Variants in GRTP1 observed in about 807,000 individuals in gnomAD.
GRTP1 encodes the protein growth hormone-regulated TBC protein 1.
Under a neutral mutation model 38.1 loss-of-function variants are expected in GRTP1, and 56 were observed. The observed-to-expected ratio is 1.47, with a 90% confidence interval of 1.19 to 1.84. The LOEUF is 1.84. Ranked by LOEUF, GRTP1 falls within the 40% of genes most tolerant of loss-of-function variation. GRTP1 has a pLI of 0.00. For synonymous variants in GRTP1, 217 were observed against 189.5 expected (o/e 1.14, Z -1.19); for missense variants, 506 against 453.9 (o/e 1.11, Z -1.04).
At chr13:113,329,307 G>A (rs533369959) in intron 5 of GRTP1, among the ~76,000 whole-genome samples, 1 of 152,216 alleles carries the variant, frequency 6.6e-6, no homozygotes, top group African/African-American at 2.4e-5. Context: ...GCCGGGTGCA[G>A]TGGCTCACAC....
At chr13:113,325,235 C>T (rs1595468364) in intron 7 of GRTP1, 1 of 1,181,528 alleles carries the variant, frequency 8.5e-7, no homozygotes, top group Non-Finnish European at 1.0e-6. Context: ...TAGGAAACTA[C>T]TGACTCCCAG....
At chr13:113,345,708 G>A (rs931670024) in intron 4 of GRTP1, among the ~76,000 whole-genome samples, 1 of 152,264 alleles carries the variant, frequency 6.6e-6, no homozygotes. Context: ...GCTGGCAGCA[G>A]CGCGGCGGCT....
Position 113,352,304 on chromosome 13 carries a change from TA to T in GRTP1, c.341-1332del, listed in dbSNP as rs1369635071. ...TATTTATATATATTTATATATATTT[TA>T]TATATATTTTATATATATTTTTATA... On this transcript the variant is annotated intron_variant, in intron 3 of 7. Coordinates refer to ENST00000375431, the MANE Select transcript of GRTP1 (RefSeq NM_024719.4). Among the ~76,000 whole-genome samples, 54 of 69,290 alleles carry T rather than the reference TA, an allele frequency of 7.8e-4. No individual in the cohort carries two copies. The East Asian group carries it at 9.6e-3, about 12-fold the overall frequency. 45.5% of individuals were successfully genotyped at this position (69,290 alleles called of 152,430 possible). A position where few individuals can be genotyped will look rare whatever the true frequency, so the allele number is the denominator to read the frequency against.
intron 5 of GRTP1, among the ~76,000 whole-genome samples, chr13:113,331,356 T>C (rs1259239993): frequency 6.6e-6 from 1 of 152,176 alleles, no homozygotes; most frequent in Non-Finnish European, 1.5e-5. Context: ...AGGATGGCCT[T>C]GCCTCTGTGA....
chr13:113,349,663 C>T lies in GRTP1; in HGVS notation c.465+1186G>A, dbSNP rs1411775986. Among the ~76,000 whole-genome samples the T allele has an allele frequency of 2.0e-5, 3 of 152,212 alleles. No homozygotes were observed. The highest frequency in any genetic ancestry group is 4.4e-5 in the Non-Finnish European group (3 of 68,034). On this transcript the variant is annotated intron_variant, in intron 4 of 7. Transcript: ENST00000375431. The surrounding 1 kb of genome is among the most constrained non-coding windows in gnomAD (Gnocchi z 5.0). Reference sequence around the variant, plus strand: ...ACAGCTGGTGAGGACAGCGTGGTCCCGTGGCTCTGCTGCTGGCCTTTCACA... The same window carrying T: ...ACAGCTGGTGAGGACAGCGTGGTCCTGTGGCTCTGCTGCTGGCCTTTCACA...
chr13:113,351,498 A>C (rs755993), intron 3 of GRTP1, among the ~76,000 whole-genome samples: 50,533 of 152,098 alleles, frequency 0.33, 8,911 homozygotes, highest in East Asian at 0.62. Flanking sequence ...ATAAACCTCG[A>C]GTTGTCAGCT....
rs1177997110 is a variant in GRTP1, at chr13:113,330,410, ACCCGGGTGTGTGCATGGGAG to A, written c.563-4339_563-4320del. Among the ~76,000 whole-genome samples the A allele has an allele frequency of 3.2e-3, 303 of 93,550 alleles. 5 individuals carry two copies. Among genetic ancestry groups the A allele is most frequent in the African/African-American group, 0.012 (264 of 22,086 alleles). 61.4% of individuals were successfully genotyped at this position (93,550 alleles called of 152,430 possible). ...TGGAAGCCCAGGTGTGTGCATGGAAACCCGGGTGTGTGCATGGGAGCCCGGGTGTGTGCATGGGAGCCCGG... is the reference window on the plus strand; with the variant it reads ...TGGAAGCCCAGGTGTGTGCATGGAAACCCGGGTGTGTGCATGGGAGCCCGG... On this transcript the variant is annotated intron_variant, in intron 5 of 7. Coordinates refer to ENST00000375431, the MANE Select transcript of GRTP1 (RefSeq NM_024719.4).
chr13:113,357,903 G>C (rs1433882572), intron 2 of GRTP1, among the ~76,000 whole-genome samples: 1 of 152,150 alleles, frequency 6.6e-6, no homozygotes, highest in Non-Finnish European at 1.5e-5. Flanking sequence ...CTGCGGCCTG[G>C]CGTGGTGGTT....
At chr13:113,359,084 C>A (rs1022116478) in intron 2 of GRTP1, among the ~76,000 whole-genome samples, 1 of 152,208 alleles carries the variant, frequency 6.6e-6, no homozygotes, top group African/African-American at 2.4e-5. Flanking sequence ...ACTATTGACA[C>A]ATACAAGGTC....
At chr13:113,363,728 G>A (rs1310555522) in intron 2 of GRTP1, 34 bp downstream of exon 2, 1 of 1,585,844 alleles carries the variant, frequency 6.3e-7, no homozygotes, top group Admixed American at 1.7e-5. Context: ...ACCCACCTGC[G>A]CCCTCGGGAC....
chr13:113,346,043 G>C (rs1214129847), intron 4 of GRTP1, among the ~76,000 whole-genome samples: 2 of 83,108 alleles, frequency 2.4e-5, no homozygotes, highest in East Asian at 3.7e-4. Context: ...GACATCTGTG[G>C]CCGAGAGCAG....
chr13:113,349,692 C>T lies in GRTP1; in HGVS notation c.465+1157G>A, dbSNP rs141985099. 1.8e-4 allele frequency among the ~76,000 whole-genome samples: 28 copies of T among 152,332 alleles called. No individual in the cohort carries two copies. The highest frequency in any genetic ancestry group is 6.0e-4 in the African/African-American group (25 of 41,590). On this transcript the variant is annotated intron_variant, in intron 4 of 7. Coordinates refer to ENST00000375431, the MANE Select transcript of GRTP1 (RefSeq NM_024719.4). This position sits in a 1 kb window ranked among gnomAD's most constrained non-coding sequence, Gnocchi z 5.0. ...GCTCTGCTGCTGGCCTTTCACAGGG[C>T]GCTCCTCACGCAACGTCCACCCTTT...
At chr13:113,359,057 G>T (rs2043447032) in intron 2 of GRTP1, among the ~76,000 whole-genome samples, 1 of 152,196 alleles carries the variant, frequency 6.6e-6, no homozygotes, top group Non-Finnish European at 1.5e-5. Flanking sequence ...AAGTACCTCA[G>T]CAATAAAAAG....
chr13:113,335,941 C>T (rs1288204010), intron 5 of GRTP1, among the ~76,000 whole-genome samples: 3 of 152,180 alleles, frequency 2.0e-5, no homozygotes, highest in African/African-American at 2.4e-5. Context: ...TATAGATGCC[C>T]GCCACCACGC....
intron 5 of GRTP1, among the ~76,000 whole-genome samples, chr13:113,326,695 G>T (rs1486737744): frequency 2.0e-5 from 3 of 152,014 alleles, no homozygotes; most frequent in Non-Finnish European, 4.4e-5. Context: ...ACAAAAATCT[G>T]CAGGTGGAAA....
chr13:113,345,784 T>C (rs550976003), intron 4 of GRTP1, among the ~76,000 whole-genome samples: 10 of 152,316 alleles, frequency 6.6e-5, no homozygotes, highest in African/African-American at 2.2e-4. Context: ...GCACGCAGCC[T>C]TACACGTCCC....
intron 5 of GRTP1, among the ~76,000 whole-genome samples, chr13:113,336,348 A>AAAAACAAAC (rs139525102): frequency 1.3e-5 from 2 of 149,528 alleles, no homozygotes; most frequent in Non-Finnish European, 3.0e-5. Flanking sequence ...ATTTAATTAA[A>AAAAACAAAC]AAACAAACAA....
chr13:113,325,016 G>A (rs1487826825), intron 7 of GRTP1: 2 of 689,374 alleles, frequency 2.9e-6, no homozygotes, highest in African/African-American at 3.9e-5. Context: ...TTTTAGTAGA[G>A]ACGGGGTTTC....
chr13:113,354,261 C>T (rs568095752), intron 3 of GRTP1, among the ~76,000 whole-genome samples: 17 of 152,234 alleles, frequency 1.1e-4, no homozygotes, highest in African/African-American at 3.4e-4. Context: ...ACTCTGTGGT[C>T]AGGATGCAGC....
Sources: gnomAD v4.1 joint callset for allele counts (sites outside exome capture counted in the v4.1 genomes callset) on GRCh38, gnomAD v4.1.1 for gene constraint, Gnocchi (gnomAD v3.1) non-coding constraint, MANE v1.5 for transcripts, NCBI Gene and HGNC (gene_info 2026-07-23, HGNC 2026-07-21) for gene names.